VEGFC: variants seen among roughly 807,000 people sequenced by gnomAD.
VEGFC encodes vascular endothelial growth factor C, also known as FLT4 ligand DHM.
In VEGFC, 12 loss-of-function variants were observed where a neutral mutation model predicts 46.1. That is an observed-to-expected ratio of 0.26 (90% CI 0.17 to 0.42). The LOEUF (loss-of-function observed/expected upper bound fraction) is 0.42. Among genes scored for constraint, VEGFC ranks in the 10% least tolerant of loss-of-function variants. The probability of loss-of-function intolerance (pLI) is 1.00; values close to 1 mark genes in which losing one functional copy is unlikely to be tolerated. For missense variants in VEGFC, 488 were observed against 529.4 expected, an observed-to-expected ratio of 0.92 and a Z score of 0.77; for synonymous variants, 232 against 195.5, an observed-to-expected ratio of 1.19 and a Z score of -1.56.
chr4:176,709,414 A>T (rs1195986756), intron 4 of VEGFC, among the ~76,000 whole-genome samples: 1 of 152,210 alleles, frequency 6.6e-6, no homozygotes, highest in East Asian at 1.9e-4. Context: ...CACATGCAAC[A>T]TTTGCAGACC....
At chr4:176,701,428 G>C (rs1440646908) in intron 4 of VEGFC, among the ~76,000 whole-genome samples, 1 of 152,136 alleles carries the variant, frequency 6.6e-6, no homozygotes, top group East Asian at 1.9e-4. Flanking sequence ...GAGATGTATT[G>C]ATGCAATCTC....
At chr4:176,788,217 T>A (rs918572317) in intron 1 of VEGFC, among the ~76,000 whole-genome samples, 1 of 152,264 alleles carries the variant, frequency 6.6e-6, no homozygotes, top group Non-Finnish European at 1.5e-5. Context: ...GTCGTTCTTA[T>A]AATATTACCA....
chr4:176,716,058 C>A (rs918318350), intron 3 of VEGFC, among the ~76,000 whole-genome samples: 2 of 152,148 alleles, frequency 1.3e-5, no homozygotes, highest in Non-Finnish European at 2.9e-5. Context: ...GTTTGGATTT[C>A]TCTTCCTCCT....
chr4:176,737,453 C>T (rs962381620), intron 1 of VEGFC, among the ~76,000 whole-genome samples: 13 of 149,718 alleles, frequency 8.7e-5, no homozygotes, highest in Admixed American at 3.3e-4. Context: ...AAAATATAGA[C>T]GAATCCAGAA....
intron 1 of VEGFC, among the ~76,000 whole-genome samples, chr4:176,757,122 C>T (rs1579125783): frequency 6.6e-6 from 1 of 151,972 alleles, no homozygotes; most frequent in Admixed American, 6.6e-5. Context: ...AATAAATGGA[C>T]AGAGTATGTT....
At chr4:176,740,129 G>T (rs1465505809) in intron 1 of VEGFC, among the ~76,000 whole-genome samples, 1 of 116,896 alleles carries the variant, frequency 8.6e-6, no homozygotes, top group African/African-American at 3.3e-5. Context: ...TCTATATATA[G>T]AATATATAAC....
intron 1 of VEGFC, among the ~76,000 whole-genome samples, chr4:176,752,032 C>T (rs1250717629): frequency 6.6e-6 from 1 of 151,244 alleles, no homozygotes; most frequent in Non-Finnish European, 1.5e-5. Flanking sequence ...AAGATTAAAC[C>T]CAATTTAGCT....
chr4:176,792,118 C>T lies in VEGFC; in HGVS notation c.147+47G>A, dbSNP rs571346800. 282 of 1,428,500 alleles carry T rather than the reference C, an allele frequency of 2.0e-4. No homozygotes were observed. In the East Asian group the frequency reaches 7.6e-3, roughly 39 times the overall value. 88.5% of individuals were successfully genotyped at this position (1,428,500 alleles called of 1,614,324 possible). A position where few individuals can be genotyped will look rare whatever the true frequency, so the allele number is the denominator to read the frequency against. ...GCAGGTTCTCGGGTCCGCCGCAGAC[C>T]CTAACGCAAACTCTCGGGTTCTCCG... On this transcript the variant is annotated intron_variant, in intron 1 of 6. Coordinates refer to ENST00000618562, the MANE Select transcript of VEGFC (RefSeq NM_005429.5). This position sits in a 1 kb window ranked among gnomAD's most constrained non-coding sequence, Gnocchi z 6.3.
chr4:176,718,069 C>T (rs569836100), intron 3 of VEGFC, among the ~76,000 whole-genome samples: 4 of 152,188 alleles, frequency 2.6e-5, no homozygotes, highest in South Asian at 4.1e-4. Flanking sequence ...GAATAAAATA[C>T]GTGAATCTCA....
At chr4:176,690,961 A>C (rs1252620360) in intron 4 of VEGFC, among the ~76,000 whole-genome samples, 2 of 152,206 alleles carry the variant, frequency 1.3e-5, no homozygotes, top group Non-Finnish European at 2.9e-5. Flanking sequence ...TCATGAAATC[A>C]ATGACATGGG....
chr4:176,683,838 A>T lies in VEGFC; in HGVS notation c.*88T>A. On this transcript the variant is annotated 3_prime_UTR_variant, in exon 7 of 7. Transcript: ENST00000618562. ...CTTTTGTCTTTGTTAGCATGGACCC[A>T]CAAGGGTCTCTCTGTTCACAGACAG... 1.8e-6 allele frequency: 2 copies of T among 1,096,986 alleles called. No homozygotes were observed. Among genetic ancestry groups the T allele is most frequent in the Non-Finnish European group, 2.8e-6 (2 of 720,720 alleles). 68.0% of individuals were successfully genotyped at this position (1,096,986 alleles called of 1,614,324 possible).
intron 1 of VEGFC, among the ~76,000 whole-genome samples, chr4:176,745,320 G>C (rs1252210186): frequency 6.6e-6 from 1 of 151,916 alleles, no homozygotes; most frequent in Non-Finnish European, 1.5e-5. Context: ...CAACTCCCAG[G>C]TCCATCTCCT....
chr4:176,694,182 G>A (rs1734264174), intron 4 of VEGFC, among the ~76,000 whole-genome samples: 1 of 151,546 alleles, frequency 6.6e-6, no homozygotes, highest in Admixed American at 6.6e-5. Flanking sequence ...GACACAGACT[G>A]GCAAATTGGA....
intron 4 of VEGFC, among the ~76,000 whole-genome samples, chr4:176,699,874 CAT>C (rs949101938): frequency 7.2e-5 from 11 of 152,314 alleles, no homozygotes; most frequent in Middle Eastern, 6.8e-3. Context: ...ATCAAAAACA[CAT>C]AGACTTATCT....
chr4:176,751,036 A>G (rs1456554623), intron 1 of VEGFC, among the ~76,000 whole-genome samples: 1 of 151,838 alleles, frequency 6.6e-6, no homozygotes, highest in Non-Finnish European at 1.5e-5. Flanking sequence ...TTTATTTAAT[A>G]AATGAAATAC....
chr4:176,730,234 A>G (rs2111019037), intron 1 of VEGFC, among the ~76,000 whole-genome samples: 1 of 152,296 alleles, frequency 6.6e-6, no homozygotes, highest in Non-Finnish European at 1.5e-5. Context: ...CATATGAAGA[A>G]AGGAATTTCA....
intron 1 of VEGFC, among the ~76,000 whole-genome samples, chr4:176,776,308 CT>C (rs1185924059): frequency 6.6e-6 from 1 of 152,204 alleles, no homozygotes. Flanking sequence ...CCATAAATCC[CT>C]GCTAGATTTT....
chr4:176,700,641 G>T (rs2110985641), intron 4 of VEGFC, among the ~76,000 whole-genome samples: 1 of 152,218 alleles, frequency 6.6e-6, no homozygotes, highest in Admixed American at 6.5e-5. Context: ...ATGGAAGCTT[G>T]TAATTTTCTG....
intron 1 of VEGFC, among the ~76,000 whole-genome samples, chr4:176,736,470 CT>C (rs1735056014): frequency 1.8e-5 from 1 of 56,840 alleles, no homozygotes; most frequent in Non-Finnish European, 7.3e-5. Flanking sequence ...TCAATTAGTT[CT>C]ACTATAAAAA....
Sources: allele counts gnomAD v4.1 joint callset (sites outside exome capture counted in the v4.1 genomes callset), GRCh38; gene constraint gnomAD v4.1.1; non-coding constraint Gnocchi (gnomAD v3.1); transcripts MANE v1.5; gene names NCBI Gene and HGNC (gene_info 2026-07-23, HGNC 2026-07-21).